The following LIG3 variants were observed in gnomAD, a reference collection of about 807,000 sequenced individuals.
The protein encoded by LIG3 is DNA ligase 3.
A neutral mutation model predicts 110.9 loss-of-function variants in LIG3; 58 were observed. The ratio of observed to expected loss-of-function variants is 0.52; its 90% confidence interval spans 0.42 to 0.65. LIG3 has a LOEUF of 0.65. LIG3 is among the 30% of genes least tolerant of loss of function. The pLI, the probability that LIG3 is intolerant of heterozygous loss-of-function variation, is 0.00. For missense variants in LIG3, 1,094 were observed against 1,273.8 expected, an observed-to-expected ratio of 0.86 and a Z score of 2.15; for synonymous variants, 422 against 472.8, an observed-to-expected ratio of 0.89 and a Z score of 1.39.
rs1459681314 is a variant in LIG3 at position 35,007,082 on chromosome 17, A to G, written c.*2576A>G. Reference sequence around the variant, plus strand: ...CCATTTCTCTCTTCAGCCTCAGGCCAAACAAACAACCGGACAGGGCAGCAG... The same window carrying G: ...CCATTTCTCTCTTCAGCCTCAGGCCGAACAAACAACCGGACAGGGCAGCAG... On this transcript the variant is annotated 3_prime_UTR_variant, in exon 20 of 20. Transcript: ENST00000378526. The G allele has an allele frequency of 1.3e-5, 2 of 152,120 alleles. No individual in the cohort carries two copies. The highest frequency in any genetic ancestry group is 4.8e-5 in the African/African-American group (2 of 41,342). The allele number at this position is 152,120 out of a possible 1,614,324, so 9.4% of individuals were successfully genotyped here. A position where few individuals can be genotyped will look rare whatever the true frequency, so the allele number is the denominator to read the frequency against.
At chr17:35,000,701 C>T (rs1029525123) in intron 16 of LIG3, among the ~76,000 whole-genome samples, 6 of 149,742 alleles carry the variant, frequency 4.0e-5, no homozygotes, top group African/African-American at 1.2e-4. Context: ...CTGCAGCCTC[C>T]GCCTCCTGGG....
rs751540797 is a variant in LIG3 at position 34,983,078 on chromosome 17, C to T, written c.73C>T (p.Arg25Ter). ...CAGCCGAAAAGAACTGTGCCTATTC[C>T]GAAAACATCACTGGCGTGATGTAAG... ...ALSRKELCLFRKHHWRDVRQF... is the reference protein window; with the variant it reads ...ALSRKELCLF The change falls in exon 2 of 20, where the codon CGA becomes TGA. Residue 25 changes from arginine (R) to a stop codon, truncating the protein, a stop_gained. Coordinates refer to ENST00000378526, the MANE Select transcript of LIG3 (RefSeq NM_013975.4). LOFTEE classifies it high-confidence loss of function. 5 of 1,613,818 alleles carry T rather than the reference C, an allele frequency of 3.1e-6. No individual in the cohort carries two copies. The highest frequency in any genetic ancestry group is 2.7e-5 in the African/African-American group (2 of 74,966).
At position 34,983,533 on chromosome 17, in the gene LIG3, G is replaced by C. The variant is rs774993954; in HGVS notation, c.528G>C (p.Gln176His). 1.2e-6 allele frequency: 2 copies of C among 1,613,152 alleles called. No homozygotes were observed. The highest frequency in any genetic ancestry group is 1.7e-6 in the Non-Finnish European group (2 of 1,179,794). ...AGCTGGAAGATAATGAGAAGGAACAGATAACCCAGCACATTGCAGGTAAGG... is the reference window on the plus strand; with the variant it reads ...AGCTGGAAGATAATGAGAAGGAACACATAACCCAGCACATTGCAGGTAAGG... Reference protein sequence around the residue: ...WEELEDNEKEQITQHIADLSS... With the variant: ...WEELEDNEKEHITQHIADLSS... Residue 176 changes from glutamine (Q) to histidine (H), a missense_variant, in exon 2 of 20, where the codon CAG becomes CAC. Physicochemically the swap from Gln to His is conservative, Grantham distance 24 (BLOSUM62 0). Coordinates refer to ENST00000378526, the MANE Select transcript of LIG3 (RefSeq NM_013975.4).
At chr17:34,985,938 T>G (rs773909668) in intron 2 of LIG3, 50 bp from the exon 3 acceptor site, 12 of 1,587,178 alleles carry the variant, frequency 7.6e-6, no homozygotes, top group Non-Finnish European at 1.0e-5. Context: ...GATGTTTTTT[T>G]CAGAGATCGT....
At chr17:34,987,649 G>A (rs1038813664) in intron 3 of LIG3, among the ~76,000 whole-genome samples, 4 of 152,176 alleles carry the variant, frequency 2.6e-5, no homozygotes, top group South Asian at 2.1e-4. Context: ...CCCTGAGCAC[G>A]TCCTTACCTC....
chr17:35,003,013 CAG>C (rs763593766), intron 19 of LIG3: 10 of 1,614,080 alleles, frequency 6.2e-6, no homozygotes, highest in East Asian at 4.5e-5. Flanking sequence ...AGCCAGTGAG[CAG>C]AGAGGAAGAA....
intron 18 of LIG3, 28 bp from the exon 19 acceptor site, chr17:35,002,640 C>A: frequency 1.2e-6 from 2 of 1,605,802 alleles, no homozygotes; most frequent in Non-Finnish European, 1.7e-6. Flanking sequence ...TGTGCACCAC[C>A]ACACCCAGCT....
At position 34,991,064 on chromosome 17, in the gene LIG3, A is replaced by G; in HGVS notation, c.991A>G (p.Ser331Gly). ...LNDKQIVKLF[S>G]RIFNCNPDDM... ...CGATAAGCAGATTGTGAAGCTTTTC[A>G]GTCGCATTTTTAACTGCAACCCAGA... The change falls in exon 5 of 20, where the codon AGT (serine) becomes GGT (glycine). Residue 331 changes from serine to glycine, a missense_variant. Ser to Gly is a moderately conservative substitution (Grantham distance 56, BLOSUM62 0). Coordinates refer to ENST00000378526, the MANE Select transcript of LIG3 (RefSeq NM_013975.4). 6.2e-7 allele frequency: 1 copy of G among 1,614,212 alleles called. No homozygotes were observed. The highest frequency in any genetic ancestry group is 8.5e-7 in the Non-Finnish European group (1 of 1,180,036).
At chr17:34,984,647 CTTT>C (rs1048138062) in intron 2 of LIG3, among the ~76,000 whole-genome samples, 2 of 132,936 alleles carry the variant, frequency 1.5e-5, no homozygotes, top group African/African-American at 2.7e-5. Flanking sequence ...TCTGTTTCTT[CTTT>C]TTTTTTTTTT....
chr17:34,991,810 A>G lies in LIG3; in HGVS notation c.1181A>G (p.Gln394Arg). 1 of 1,614,142 alleles carries G rather than the reference A, an allele frequency of 6.2e-7. No homozygotes were observed. Among genetic ancestry groups the G allele is most frequent in the Non-Finnish European group, 8.5e-7 (1 of 1,180,010 alleles). ...LSKLTKEDEQ[Q>R]QALQDIASRC... ...AAGCTCACCAAGGAGGATGAGCAGCAACAGGCCCTACAGGACATTGCCTCC... is the reference window on the plus strand; with the variant it reads ...AAGCTCACCAAGGAGGATGAGCAGCGACAGGCCCTACAGGACATTGCCTCC... Residue 394 changes from glutamine to arginine, a missense_variant, in exon 6 of 20, where the codon CAA (glutamine) becomes CGA (arginine). Gln to Arg is a conservative substitution (Grantham distance 43). Transcript: ENST00000378526.
chr17:34,999,037 AG>A, intron 14 of LIG3: 2 of 511,322 alleles, frequency 3.9e-6, no homozygotes, highest in Non-Finnish European at 6.9e-6. Context: ...CTGGAGTCTG[AG>A]GAACTAATAC....
chr17:35,000,922 C>G (rs1330585802), intron 16 of LIG3, among the ~76,000 whole-genome samples: 3 of 149,100 alleles, frequency 2.0e-5, no homozygotes, highest in Non-Finnish European at 4.4e-5. Flanking sequence ...CCAATACTTG[C>G]TTCTCCCTTT....
intron 15 of LIG3, 136 bp from the exon 16 acceptor site, chr17:34,999,646 C>T: frequency 9.5e-7 from 1 of 1,054,366 alleles, no homozygotes; most frequent in Non-Finnish European, 1.4e-6. Flanking sequence ...AGGTCATACC[C>T]ACTCTGGGCT....
Position 34,996,606 on chromosome 17 carries a change from GTT to G in LIG3, c.1778_1779del (p.Phe593CysfsTer3), listed in dbSNP as rs2090780934. 4 of 1,614,046 alleles carry G rather than the reference GTT, an allele frequency of 2.5e-6. No individual in the cohort carries two copies. The highest frequency in any genetic ancestry group is 1.3e-5 in the African/African-American group (1 of 75,040). ...AAFQDANVCL[F>X]VFDCIYFNDV... is the part of the protein sequence containing the mutation. ...CCTTCCAGGATGCTAATGTCTGCCT[GTT>G]TGTTTTTGATTGTATCTACTTTAAT... is the stretch of plus-strand genomic sequence containing the variant. On this transcript the variant is annotated frameshift_variant, in exon 11 of 20. Transcript: ENST00000378526. LOFTEE classifies it high-confidence loss of function.
Position 34,996,208 on chromosome 17 carries a change from G to GGCCATATGTGCAA in LIG3, c.1743+15_1743+27dup. ...GGGAGTACACAAGGTACTAGCTCAG[G>GGCCATATGTGCAA]GCCATATGTGCAAGAATGAATGAGT... is the stretch of plus-strand genomic sequence containing the variant. On this transcript the variant is annotated intron_variant, in intron 10 of 19. Coordinates refer to ENST00000378526, the MANE Select transcript of LIG3 (RefSeq NM_013975.4). 2 of 1,613,150 alleles carry GGCCATATGTGCAA rather than the reference G, an allele frequency of 1.2e-6. No individual in the cohort carries two copies. The highest frequency in any genetic ancestry group is 1.7e-6 in the Non-Finnish European group (2 of 1,179,620).
Position 35,002,785 on chromosome 17 carries a change from C to A in LIG3, c.2792C>A (p.Thr931Lys). The A allele has an allele frequency of 6.3e-7, 1 of 1,598,002 alleles. No individual in the cohort carries two copies. The highest frequency in any genetic ancestry group is 8.5e-7 in the Non-Finnish European group (1 of 1,170,482). The part of the protein sequence containing the change: ...RKAADETLCQ[T>K]KVLLDIFTGV... ...GCTGCTGATGAGACGCTGTGCCAAA[C>A]AAAGGTGAGGGTAAAAACAGCAACA... The change falls in exon 19 of 20, where the codon ACA (threonine) becomes AAA (lysine). Residue 931 changes from threonine to lysine, a missense_variant. Transcript: ENST00000378526.
rs1346893846 is a variant in LIG3, at chr17:35,002,105, G to A, written c.2674+1G>A. 1.3e-6 allele frequency: 2 copies of A among 1,576,682 alleles called. No homozygotes were observed. Among genetic ancestry groups the A allele is most frequent in the Non-Finnish European group, 1.7e-6 (2 of 1,162,118 alleles). On this transcript the variant is annotated splice_donor_variant, in intron 18 of 19. Transcript: ENST00000378526. LOFTEE classifies it high-confidence loss of function. Reference sequence around the variant, plus strand: ...CTGAGTAACTCCAACAGCAAAGATGGTAAGGATAGGGAGGGGGCTGGTATG... The same window carrying A: ...CTGAGTAACTCCAACAGCAAAGATGATAAGGATAGGGAGGGGGCTGGTATG...
At chr17:35,002,967 C>A (rs1354494462) in intron 19 of LIG3, 178 bp downstream of exon 19, 2 of 1,613,814 alleles carry the variant, frequency 1.2e-6, no homozygotes, top group Non-Finnish European at 1.7e-6. Context: ...TGCTGCTGCT[C>A]ACCCTATGTC....
At chr17:34,981,643 G>C (rs1310834549) in intron 1 of LIG3, 5 of 152,208 alleles carry the variant, frequency 3.3e-5, no homozygotes, top group Non-Finnish European at 7.3e-5. Context: ...TCAGTAAACT[G>C]TACAGTCAGA....
Sources: allele counts gnomAD v4.1 joint callset (sites outside exome capture counted in the v4.1 genomes callset), GRCh38; gene constraint gnomAD v4.1.1; transcripts MANE v1.5; gene names NCBI Gene and HGNC (gene_info 2026-07-23, HGNC 2026-07-21).